Variants in ITGBL1 observed in about 807,000 individuals in gnomAD.
ITGBL1 encodes the protein integrin subunit beta like 1.
ITGBL1 carries 51 observed loss-of-function variants against 68.5 expected under a neutral mutation model. That is an observed-to-expected ratio of 0.74 (90% CI 0.59 to 0.94). ITGBL1 has a LOEUF of 0.94. Ranked by LOEUF, ITGBL1 falls within the 40% of genes least tolerant of loss-of-function variation. The pLI is 0.00. For missense variants in ITGBL1, 649 were observed against 647.4 expected, an observed-to-expected ratio of 1.00 and a Z score of -0.03; for synonymous variants, 209 against 227.3, an observed-to-expected ratio of 0.92 and a Z score of 0.72.
At chr13:101,690,077 T>G (rs1324729375) in intron 7 of ITGBL1, among the ~76,000 whole-genome samples, 5 of 152,186 alleles carry the variant, frequency 3.3e-5, no homozygotes, top group African/African-American at 1.2e-4. Flanking sequence ...TTAGTATTAG[T>G]CATTTTAAAA....
intron 2 of ITGBL1, among the ~76,000 whole-genome samples, chr13:101,528,217 C>T (rs1468198875): frequency 6.6e-6 from 1 of 151,056 alleles, no homozygotes; most frequent in Non-Finnish European, 1.5e-5. Flanking sequence ...TTCTGTCTTT[C>T]AGTGAATTTA....
intron 8 of ITGBL1, among the ~76,000 whole-genome samples, chr13:101,700,277 A>G (rs1206736060): frequency 1.3e-5 from 2 of 152,194 alleles, no homozygotes; most frequent in African/African-American, 4.8e-5. Flanking sequence ...AAACAGCATC[A>G]TTATTCACAC....
chr13:101,692,541 C>T (rs1369975581), intron 7 of ITGBL1, 44 bp from the exon 8 acceptor site: 1 of 1,316,962 alleles, frequency 7.6e-7, no homozygotes, highest in East Asian at 2.3e-5. Flanking sequence ...CTTAGTGATT[C>T]CGGGACTCTC....
intron 4 of ITGBL1, 31 bp downstream of exon 4, chr13:101,575,577 A>T: frequency 6.2e-7 from 1 of 1,601,640 alleles, no homozygotes. Context: ...GAAATTAATA[A>T]AAGTACCTGT....
At chr13:101,608,681 A>G (rs2030987385) in intron 7 of ITGBL1, among the ~76,000 whole-genome samples, 1 of 152,052 alleles carries the variant, frequency 6.6e-6, no homozygotes, top group Non-Finnish European at 1.5e-5. Flanking sequence ...ACTTTGAGAA[A>G]GCAAGTGGGA....
chr13:101,589,506 T>G (rs2050614391), intron 6 of ITGBL1, among the ~76,000 whole-genome samples: 1 of 152,200 alleles, frequency 6.6e-6, no homozygotes, highest in Non-Finnish European at 1.5e-5. Flanking sequence ...CTTGAACTTG[T>G]TCAATTAATA....
intron 3 of ITGBL1, among the ~76,000 whole-genome samples, chr13:101,573,764 T>C (rs1370363076): frequency 6.6e-6 from 1 of 152,156 alleles, no homozygotes; most frequent in Non-Finnish European, 1.5e-5. Context: ...TCTACCTTAC[T>C]CACAAGTTCA....
At chr13:101,526,350 C>G (rs887457882) in intron 2 of ITGBL1, among the ~76,000 whole-genome samples, 9 of 152,032 alleles carry the variant, frequency 5.9e-5, no homozygotes, top group African/African-American at 2.2e-4. Flanking sequence ...GTTCTCCTCC[C>G]CATGTCCATG....
chr13:101,623,513 A>C (rs1041534430), intron 7 of ITGBL1, among the ~76,000 whole-genome samples: 11 of 152,228 alleles, frequency 7.2e-5, no homozygotes, highest in African/African-American at 2.7e-4. Flanking sequence ...CATTATTTTT[A>C]TAAAAGGCTG....
At chr13:101,483,975 G>A (rs1055732993) in intron 2 of ITGBL1, among the ~76,000 whole-genome samples, 2 of 152,082 alleles carry the variant, frequency 1.3e-5, no homozygotes, top group African/African-American at 4.8e-5. Flanking sequence ...TGGAAAAACA[G>A]TACTTCAAAG....
At chr13:101,560,562 AAC>A (rs1192541926) in intron 2 of ITGBL1, among the ~76,000 whole-genome samples, 1 of 152,224 alleles carries the variant, frequency 6.6e-6, no homozygotes, top group East Asian at 1.9e-4. Flanking sequence ...TAAAACAAGT[AAC>A]AGTGTATGTA....
intron 2 of ITGBL1, among the ~76,000 whole-genome samples, chr13:101,479,693 G>A (rs115773421): frequency 1.2e-3 from 175 of 152,052 alleles, no homozygotes; most frequent in African/African-American, 4.0e-3. Context: ...ATAGCAAACA[G>A]GCATATGAAA....
At chr13:101,578,398 A>G (rs1288290153) in intron 4 of ITGBL1, among the ~76,000 whole-genome samples, 1 of 152,226 alleles carries the variant, frequency 6.6e-6, no homozygotes, top group African/African-American at 2.4e-5. Flanking sequence ...GACTAAAAAC[A>G]AAACAAGAAC....
rs569445631 is a variant in ITGBL1 at position 101,661,485 on chromosome 13, A to G, written c.1016-31100A>G. On this transcript the variant is annotated intron_variant, in intron 7 of 10. Transcript: ENST00000376180. ...GGAATTTACCCACAGAGCTCCTTTC[A>G]TGTGAGCTTATGGTTTATTCCTCTT... Among the ~76,000 whole-genome samples, 16 of 152,232 alleles carry G rather than the reference A, an allele frequency of 1.1e-4. 1 individual carries two copies. In the South Asian group the frequency reaches 3.3e-3, roughly 32 times the overall value.
intron 8 of ITGBL1, among the ~76,000 whole-genome samples, chr13:101,705,292 C>CA (rs66461824): frequency 0.22 from 23,078 of 104,930 alleles, 2,569 homozygotes; most frequent in Admixed American, 0.32. Context: ...ATTTAAAAAG[C>CA]AAAAAAAAAA....
chr13:101,576,576 G>C (rs547377677), intron 4 of ITGBL1, among the ~76,000 whole-genome samples: 1 of 152,146 alleles, frequency 6.6e-6, no homozygotes, highest in African/African-American at 2.4e-5. Flanking sequence ...TAGAAGTATT[G>C]TTTTTCTGGA....
intron 2 of ITGBL1, among the ~76,000 whole-genome samples, chr13:101,546,335 C>G (rs749397452): frequency 6.6e-6 from 1 of 151,820 alleles, no homozygotes; most frequent in African/African-American, 2.4e-5. Context: ...GGGTGTTAAA[C>G]GATAGGTAGG....
At chr13:101,551,931 A>G (rs1187588589) in intron 2 of ITGBL1, among the ~76,000 whole-genome samples, 1 of 152,214 alleles carries the variant, frequency 6.6e-6, no homozygotes, top group Non-Finnish European at 1.5e-5. Flanking sequence ...CCCATGGGTC[A>G]AGAGCAGGGA....
downstream of ITGBL1, chr13:101,720,240 G>A (rs939219349): frequency 3.3e-5 from 5 of 151,974 alleles, no homozygotes; most frequent in African/African-American, 1.2e-4. Context: ...CATGCTACAG[G>A]TGAGACCAGA....
Sources: gnomAD v4.1 joint callset for allele counts (sites outside exome capture counted in the v4.1 genomes callset) on GRCh38, gnomAD v4.1.1 for gene constraint, MANE v1.5 for transcripts, NCBI Gene and HGNC (gene_info 2026-07-23, HGNC 2026-07-21) for gene names.